PTPRD: variants seen among roughly 807,000 people sequenced by gnomAD.
PTPRD encodes protein tyrosine phosphatase receptor type D, also known as receptor-type tyrosine-protein phosphatase delta.
Under a neutral mutation model 214.5 loss-of-function variants are expected in PTPRD, and 34 were observed. The observed-to-expected ratio is 0.16, with a 90% CI of 0.12 to 0.21. The LOEUF is 0.21. PTPRD is among the 10% of genes least tolerant of loss of function. PTPRD has a pLI of 1.00. For synonymous variants in PTPRD, 1,128 were observed against 845.7 expected (o/e 1.33, Z -5.79); for missense variants, 2,545 against 2,398.7 (o/e 1.06, Z -1.27).
intron 8 of PTPRD, among the ~76,000 whole-genome samples, chr9:9,413,453 G>A (rs1397434244): frequency 1.3e-5 from 2 of 152,084 alleles, no homozygotes; most frequent in East Asian, 1.9e-4. Context: ...ACATTTAACT[G>A]GTTAGTAATA....
chr9:9,755,226 T>C (rs557162561), intron 6 of PTPRD, among the ~76,000 whole-genome samples: 26 of 152,012 alleles, frequency 1.7e-4, no homozygotes, highest in Non-Finnish European at 3.8e-4. Context: ...GAGAAGGAAA[T>C]TGAACTTCCC....
At chr9:9,892,405 T>G (rs1050048985) in intron 5 of PTPRD, among the ~76,000 whole-genome samples, 6 of 152,038 alleles carry the variant, frequency 3.9e-5, no homozygotes, top group African/African-American at 1.4e-4. Flanking sequence ...TGAGAGTGTG[T>G]GCACACTTGC....
intron 11 of PTPRD, among the ~76,000 whole-genome samples, chr9:8,948,765 T>C (rs1398868045): frequency 7.3e-5 from 11 of 150,274 alleles, no homozygotes; most frequent in Non-Finnish European, 1.2e-4. Flanking sequence ...TTCCTACTTA[T>C]GGAGTGAGTG....
At chr9:9,175,202 G>C (rs2099923895) in intron 10 of PTPRD, among the ~76,000 whole-genome samples, 1 of 152,160 alleles carries the variant, frequency 6.6e-6, no homozygotes, top group Non-Finnish European at 1.5e-5. Context: ...ACTAAGACAA[G>C]ATTTTTCTAA....
chr9:9,866,878 C>T (rs28424274), intron 5 of PTPRD, among the ~76,000 whole-genome samples: 1 of 152,026 alleles, frequency 6.6e-6, no homozygotes, highest in Non-Finnish European at 1.5e-5. Flanking sequence ...TCAAATGTAT[C>T]TAGAACAACA....
intron 11 of PTPRD, among the ~76,000 whole-genome samples, chr9:9,010,672 G>GAC (rs937572088): frequency 1.0e-5 from 1 of 96,238 alleles, no homozygotes; most frequent in African/African-American, 3.0e-5. Context: ...CCAAAGTGTG[G>GAC]AAGTTGCTTC....
chr9:8,332,884 A>ATTGT (rs1457056012), intron 43 of PTPRD, among the ~76,000 whole-genome samples: 1 of 152,146 alleles, frequency 6.6e-6, no homozygotes, highest in Non-Finnish European at 1.5e-5. Context: ...TTGTTCCTCC[A>ATTGT]TTGTTTCTGT....
At chr9:10,288,245 G>A (rs555715698) in intron 3 of PTPRD, among the ~76,000 whole-genome samples, 1 of 151,152 alleles carries the variant, frequency 6.6e-6, no homozygotes, top group South Asian at 2.1e-4. Flanking sequence ...TTAACTTAAA[G>A]CTTCCATAAC....
chr9:8,730,180 CAGGAGGCGG>C (rs1227861540), intron 12 of PTPRD, among the ~76,000 whole-genome samples: 1 of 152,066 alleles, frequency 6.6e-6, no homozygotes, highest in East Asian at 1.9e-4. Flanking sequence ...GGCGTGAACC[CAGGAGGCGG>C]AGCTTGCACT....
rs560519523 is a variant in PTPRD, at chr9:8,316,054, G to A, written c.*1820C>T. ...AATAAGTTTGGTGCAGTTACTGCATGTTCCAGAGCGGATTTGGAAGGGAAT... is the reference window on the plus strand; with the variant it reads ...AATAAGTTTGGTGCAGTTACTGCATATTCCAGAGCGGATTTGGAAGGGAAT... On this transcript the variant is annotated 3_prime_UTR_variant, in exon 46 of 46. Transcript: ENST00000381196. 467 of 228,916 alleles carry A rather than the reference G, an allele frequency of 2.0e-3. 2 individuals are homozygous for A. Among genetic ancestry groups the A allele is most frequent in the Non-Finnish European group, 2.5e-3 (287 of 115,056 alleles). 14.2% of individuals were successfully genotyped at this position (228,916 alleles called of 1,614,324 possible). A position where few individuals can be genotyped will look rare whatever the true frequency, so the allele number is the denominator to read the frequency against.
chr9:9,407,121 T>C (rs1490242169), intron 8 of PTPRD, among the ~76,000 whole-genome samples: 3 of 151,842 alleles, frequency 2.0e-5, no homozygotes, highest in African/African-American at 7.2e-5. Context: ...GTTCAATCCC[T>C]CATTACCTGA....
At chr9:9,509,019 GT>G (rs1238674599) in intron 8 of PTPRD, among the ~76,000 whole-genome samples, 1 of 151,174 alleles carries the variant, frequency 6.6e-6, no homozygotes, top group East Asian at 1.9e-4. Flanking sequence ...ACTAAATATG[GT>G]TGTAAAACCT....
chr9:9,937,630 G>A (rs891803025), intron 5 of PTPRD, among the ~76,000 whole-genome samples: 5 of 152,026 alleles, frequency 3.3e-5, no homozygotes, highest in African/African-American at 4.8e-5. Flanking sequence ...TTCATAAATA[G>A]ACCAAATACT....
intron 8 of PTPRD, among the ~76,000 whole-genome samples, chr9:9,469,877 G>GT (rs1224819926): frequency 6.6e-6 from 1 of 152,072 alleles, no homozygotes; most frequent in African/African-American, 2.4e-5. Context: ...TCAGAATACC[G>GT]TAAGTTCATA....
At chr9:10,213,978 T>G (rs1023811081) in intron 3 of PTPRD, among the ~76,000 whole-genome samples, 1 of 152,128 alleles carries the variant, frequency 6.6e-6, no homozygotes, top group Admixed American at 6.6e-5. Flanking sequence ...CCTCCTTCCC[T>G]ATTTCAATCC....
chr9:9,432,192 A>G (rs1298401857), intron 8 of PTPRD, among the ~76,000 whole-genome samples: 1 of 151,950 alleles, frequency 6.6e-6, no homozygotes, highest in Non-Finnish European at 1.5e-5. Flanking sequence ...TTCTAAATCA[A>G]AAGTAGAAGG....
At chr9:8,816,664 C>G (rs1270934630) in intron 11 of PTPRD, among the ~76,000 whole-genome samples, 1 of 152,092 alleles carries the variant, frequency 6.6e-6, no homozygotes, top group Non-Finnish European at 1.5e-5. Context: ...ATTTGTTACC[C>G]TGTTAGAGAT....
At chr9:9,882,879 G>T (rs763047144) in intron 5 of PTPRD, among the ~76,000 whole-genome samples, 2 of 152,102 alleles carry the variant, frequency 1.3e-5, no homozygotes, top group Non-Finnish European at 2.9e-5. Flanking sequence ...ATGGCTTAGT[G>T]CCCTCCCTGT....
intron 7 of PTPRD, among the ~76,000 whole-genome samples, chr9:9,651,087 T>C (rs2096332337): frequency 6.6e-6 from 1 of 152,110 alleles, no homozygotes; most frequent in Admixed American, 6.6e-5. Context: ...ATACCCATGG[T>C]TACTCTTCTA....
Sources: gnomAD v4.1 joint callset for allele counts (sites outside exome capture counted in the v4.1 genomes callset) on GRCh38, gnomAD v4.1.1 for gene constraint, MANE v1.5 for transcripts, NCBI Gene and HGNC (gene_info 2026-07-23, HGNC 2026-07-21) for gene names.